Variants in MLLT10 observed in about 807,000 individuals in gnomAD.
MLLT10 encodes the protein MLLT10 histone lysine methyltransferase DOT1L cofactor.
MLLT10 carries 30 observed loss-of-function variants against 129.1 expected under a neutral mutation model. That is an observed-to-expected ratio of 0.23 (90% confidence interval 0.17 to 0.32). The LOEUF (loss-of-function observed/expected upper bound fraction) is 0.32, where lower values mean the gene tolerates loss of function less well. MLLT10 is among the 10% of genes least tolerant of loss of function. The pLI, the probability that MLLT10 is intolerant of heterozygous loss-of-function variation, is 1.00. For missense variants in MLLT10, 1,119 were observed against 1,268.3 expected, an observed-to-expected ratio of 0.88 and a Z score of 1.79; for synonymous variants, 490 against 446.4, an observed-to-expected ratio of 1.10 and a Z score of -1.23.
In MLLT10 at chr10:21,562,713, T is replaced by A. The variant is rs114379946; in HGVS notation, c.241-23581T>A. 3.9e-5 allele frequency among the ~76,000 whole-genome samples: 6 copies of A among 152,098 alleles called. No individual in the cohort carries two copies. In the South Asian group the frequency reaches 1.2e-3, roughly 32 times the overall value. On this transcript the variant is annotated intron_variant, in intron 3 of 22. Coordinates refer to ENST00000307729, the MANE Select transcript of MLLT10 (RefSeq NM_001195626.3). ...TCCAAGAACGTGAAATGTCTTTCCA[T>A]TTATTTATATTGTCTTCAGTTTATT...
chr10:21,556,671 C>T (rs1340848687), intron 3 of MLLT10: 1 of 1,612,214 alleles, frequency 6.2e-7, no homozygotes, highest in East Asian at 2.2e-5. Flanking sequence ...TGGTTAGCCT[C>T]ATCTGAAAAC....
At chr10:21,672,990 C>G (rs947846319) in intron 10 of MLLT10, among the ~76,000 whole-genome samples, 1 of 152,112 alleles carries the variant, frequency 6.6e-6, no homozygotes, top group African/African-American at 2.4e-5. Context: ...GACTACTGTT[C>G]TGTAGTCCTT....
In MLLT10 at chr10:21,713,901, T is replaced by G. The variant is rs745835312; in HGVS notation, c.1829T>G (p.Leu610Arg). ...SSGHLQQVGA[L>R]SPSAVSSAAP... Reference sequence around the variant, plus strand: ...GGGCATTTGCAACAAGTAGGAGCGCTCTCTCCCTCAGCTGTGTCATCTGCA... The same window carrying G: ...GGGCATTTGCAACAAGTAGGAGCGCGCTCTCCCTCAGCTGTGTCATCTGCA... Residue 610 changes from leucine (L) to arginine (R), a missense_variant, in exon 14 of 23, where the codon CTC (leucine) becomes CGC (arginine). By Grantham distance (102) the Leu-to-Arg change is moderately radical. Around this residue, in one of 5 missense-constraint regions of MLLT10, gnomAD observed 1,004 missense variants for 1,008.7 expected, o/e 1.00. Coordinates refer to ENST00000307729, the MANE Select transcript of MLLT10 (RefSeq NM_001195626.3). 1.5e-5 allele frequency: 24 copies of G among 1,614,006 alleles called. No individual in the cohort carries two copies. The South Asian group carries it at 2.4e-4, about 16-fold the overall frequency.
chr10:21,555,181 C>G (rs1330743685), intron 3 of MLLT10, among the ~76,000 whole-genome samples: 1 of 151,982 alleles, frequency 6.6e-6, no homozygotes, highest in Non-Finnish European at 1.5e-5. Context: ...TTGTAATCTT[C>G]TGTTCAAGTT....
chr10:21,734,446 AGAT>A (rs1488584893), intron 20 of MLLT10, among the ~76,000 whole-genome samples: 1 of 152,214 alleles, frequency 6.6e-6, no homozygotes, highest in Non-Finnish European at 1.5e-5. Context: ...ATCGTAGTGG[AGAT>A]AACATGAATA....
chr10:21,631,106 C>G (rs61850054), intron 8 of MLLT10, among the ~76,000 whole-genome samples: 1 of 151,728 alleles, frequency 6.6e-6, no homozygotes, highest in Non-Finnish European at 1.5e-5. Context: ...GTCAGGAGAT[C>G]GAGACCATCC....
chr10:21,588,170 G>A (rs2042177645), intron 4 of MLLT10, among the ~76,000 whole-genome samples: 2 of 152,200 alleles, frequency 1.3e-5, no homozygotes, highest in South Asian at 4.2e-4. Context: ...GGGCTCAAGC[G>A]ATTCTCCTGC....
chr10:21,642,448 G>A (rs1357457005), intron 8 of MLLT10, among the ~76,000 whole-genome samples: 1 of 152,174 alleles, frequency 6.6e-6, no homozygotes, highest in Non-Finnish European at 1.5e-5. Context: ...CCTGTGGTCA[G>A]GAGTTTAAGA....
chr10:21,625,425 C>A, intron 8 of MLLT10: 1 of 871,748 alleles, frequency 1.1e-6, no homozygotes. Flanking sequence ...AAGTTTCTCA[C>A]AAAGAATACT....
rs1353017976 is a variant in MLLT10, at chr10:21,717,546, CTT to C, written c.1878+3597_1878+3598del. ...CTCCTCCTCCTCCTCCTCCTCCCTT[CTT>C]CTTTCTTCTTCTTTCTTCCTCTTCC... On this transcript the variant is annotated intron_variant, in intron 14 of 22. Coordinates refer to ENST00000307729, the MANE Select transcript of MLLT10 (RefSeq NM_001195626.3). Among the ~76,000 whole-genome samples, 233 of 86,968 alleles carry C rather than the reference CTT, an allele frequency of 2.7e-3. 1 individual carries two copies. The highest frequency in any genetic ancestry group is 4.1e-3 in the Non-Finnish European group (191 of 46,476). The allele number at this position is 86,968 out of a possible 152,430, so 57.1% of individuals were successfully genotyped here. A position where few individuals can be genotyped will look rare whatever the true frequency, so the allele number is the denominator to read the frequency against.
In MLLT10 at chr10:21,617,135, T is replaced by C. The variant is rs1251335417; in HGVS notation, c.627T>C (p.Asn209=). The C allele has an allele frequency of 7.9e-6, 12 of 1,527,146 alleles. No homozygotes were observed. The highest frequency in any genetic ancestry group is 1.1e-5 in the Non-Finnish European group (12 of 1,132,730). The allele number at this position is 1,527,146 out of a possible 1,614,324, so 94.6% of individuals were successfully genotyped here. The change falls in exon 8 of 23, where the codon AAT becomes AAC. Residue 209 remains asparagine, a synonymous_variant. Transcript: ENST00000307729. ...SKLKKSKRGS[N]RSYDQSLSDS... is the part of the protein sequence containing the mutation. ...AGAAAAAGAGCAAACGGGGATCTAA[T>C]AGGTCATATGATCAAAGTTTAAGTG...
chr10:21,636,472 A>T (rs564976893), intron 8 of MLLT10, among the ~76,000 whole-genome samples: 2 of 151,838 alleles, frequency 1.3e-5, no homozygotes, highest in African/African-American at 4.8e-5. Context: ...TATTGTCTTT[A>T]TATATGTATA....
chr10:21,729,938 C>T (rs924538188), intron 16 of MLLT10, among the ~76,000 whole-genome samples: 6 of 152,094 alleles, frequency 3.9e-5, no homozygotes, highest in African/African-American at 1.4e-4. Flanking sequence ...AGATCTAAGA[C>T]ATTTTAGAAA....
intron 13 of MLLT10, among the ~76,000 whole-genome samples, chr10:21,689,565 GTATATATATATATA>G (rs71393919): frequency 8.8e-6 from 1 of 113,468 alleles, no homozygotes; most frequent in African/African-American, 3.5e-5. Flanking sequence ...ATATATATAT[GTATATATATATATA>G]TATATATATA....
At chr10:21,656,061 G>A (rs2049555792) in intron 9 of MLLT10, among the ~76,000 whole-genome samples, 1 of 152,186 alleles carries the variant, frequency 6.6e-6, no homozygotes, top group African/African-American at 2.4e-5. Flanking sequence ...GACCCTGGTA[G>A]ACTTCAGGCA....
chr10:21,537,547 C>G (rs1028055127), intron 2 of MLLT10, among the ~76,000 whole-genome samples: 1 of 152,098 alleles, frequency 6.6e-6, no homozygotes, highest in Non-Finnish European at 1.5e-5. Flanking sequence ...TCAGTGAAAC[C>G]TTCGCCACCC....
intron 8 of MLLT10, among the ~76,000 whole-genome samples, chr10:21,617,986 C>A (rs2045434326): frequency 6.6e-6 from 1 of 151,972 alleles, no homozygotes; most frequent in African/African-American, 2.4e-5. Flanking sequence ...TGCACACCAG[C>A]TTGGGAGACA....
chr10:21,607,763 G>A (rs1294959611), intron 5 of MLLT10, among the ~76,000 whole-genome samples: 1 of 152,198 alleles, frequency 6.6e-6, no homozygotes, highest in East Asian at 1.9e-4. Flanking sequence ...GAAGAATGAA[G>A]AAGAAATACC....
intron 13 of MLLT10, among the ~76,000 whole-genome samples, chr10:21,697,511 T>C (rs1386437086): frequency 6.6e-6 from 1 of 152,126 alleles, no homozygotes; most frequent in African/African-American, 2.4e-5. Flanking sequence ...TTTCCTACTT[T>C]CGCATGTATT....
Sources: gnomAD v4.1 joint callset for allele counts (sites outside exome capture counted in the v4.1 genomes callset) on GRCh38, gnomAD v4.1.1 for gene constraint, gnomAD v4.1.1 regional missense constraint, MANE v1.5 for transcripts, NCBI Gene and HGNC (gene_info 2026-07-23, HGNC 2026-07-21) for gene names.